RAI1: variants seen among roughly 807,000 people sequenced by gnomAD.
The protein encoded by RAI1 is retinoic acid-induced protein 1.
In RAI1, 9 loss-of-function variants were observed where a neutral mutation model predicts 123.8. The ratio of observed to expected loss-of-function variants is 0.07; its 90% CI spans 0.04 to 0.13. The LOEUF is 0.13. Ranked by LOEUF, RAI1 falls within the 10% of genes least tolerant of loss-of-function variation. The pLI, the probability that RAI1 is intolerant of heterozygous loss-of-function variation, is 1.00. For missense variants in RAI1, 2,256 were observed against 2,545.8 expected, an observed-to-expected ratio of 0.89 and a Z score of 2.45; for synonymous variants, 1,231 against 1,127.3, an observed-to-expected ratio of 1.09 and a Z score of -1.84.
chr17:17,702,772 G>A (rs550351161), intron 1 of RAI1, among the ~76,000 whole-genome samples: 38 of 152,332 alleles, frequency 2.5e-4, no homozygotes, highest in Admixed American at 1.2e-3. Context: ...CAGCCATGAG[G>A]TGGCTTCTCT....
intron 2 of RAI1, among the ~76,000 whole-genome samples, chr17:17,784,796 G>A (rs1460895361): frequency 1.3e-5 from 2 of 152,164 alleles, no homozygotes; most frequent in African/African-American, 4.8e-5. Flanking sequence ...GAGGACAGAG[G>A]ATACTGAACA....
chr17:17,783,893 G>C (rs2142999425), intron 2 of RAI1, among the ~76,000 whole-genome samples: 1 of 152,278 alleles, frequency 6.6e-6, no homozygotes, highest in African/African-American at 2.4e-5. Context: ...AACGAAGTCA[G>C]CTTGCCAACT....
chr17:17,737,786 G>T (rs182777884), intron 2 of RAI1, among the ~76,000 whole-genome samples: 1 of 152,162 alleles, frequency 6.6e-6, no homozygotes, highest in Non-Finnish European at 1.5e-5. Context: ...ATTTCAGGGC[G>T]GGGGGCCCCA....
intron 2 of RAI1, among the ~76,000 whole-genome samples, chr17:17,734,482 A>G (rs1345094989): frequency 1.3e-5 from 2 of 152,170 alleles, no homozygotes; most frequent in African/African-American, 2.4e-5. Flanking sequence ...AGGAGGTTCC[A>G]GTTAATTGTG....
At position 17,793,315 on chromosome 17, in the gene RAI1, GCCCCACAGCCACCAC is replaced by G. The variant is rs2032092718; in HGVS notation, c.378_392del (p.Pro127_Pro131del). ...TGAGGAGAGCCTTCAGGCTTGGGGG[GCCCCACAGCCACCAC>G]CCCCACAGCCGCAGCCACTACCTGC... On this transcript the variant is annotated inframe_deletion, in exon 3 of 6. Coordinates refer to ENST00000353383, the MANE Select transcript of RAI1 (RefSeq NM_030665.4). 8.1e-6 allele frequency: 13 copies of G among 1,612,284 alleles called. No homozygotes were observed. The highest frequency in any genetic ancestry group is 1.1e-5 in the South Asian group (1 of 91,064).
rs1170875285 is a variant in RAI1 at position 17,794,749 on chromosome 17, G to T, written c.1801G>T (p.Ala601Ser). 6.2e-7 allele frequency: 1 copy of T among 1,612,496 alleles called. No individual in the cohort carries two copies. The highest frequency in any genetic ancestry group is 1.3e-5 in the African/African-American group (1 of 74,948). The change falls in exon 3 of 6, where the codon GCC (alanine) becomes TCC (serine). Residue 601 changes from alanine to serine, a missense_variant. Physicochemically the swap from Ala to Ser is moderately conservative, Grantham distance 99. This residue lies in a region of RAI1 where 357 missense variants were observed against 480.2 expected (regional missense o/e 0.74). Coordinates refer to ENST00000353383, the MANE Select transcript of RAI1 (RefSeq NM_030665.4). ...GGACTGTCCGCGGCTGCTGCTCAGCGCCCTGGCACAGGAGGACCTGGCCTC... is the reference window on the plus strand; with the variant it reads ...GGACTGTCCGCGGCTGCTGCTCAGCTCCCTGGCACAGGAGGACCTGGCCTC... ...ERDCPRLLLS[A>S]LAQEDLASEI...
chr17:17,741,226 G>A (rs932440596), intron 2 of RAI1, among the ~76,000 whole-genome samples: 8 of 152,124 alleles, frequency 5.3e-5, no homozygotes, highest in African/African-American at 1.9e-4. Context: ...AACCAGGAAG[G>A]TAGCATCTGA....
intron 1 of RAI1, among the ~76,000 whole-genome samples, chr17:17,722,757 G>A (rs1297531854): frequency 6.6e-6 from 1 of 152,216 alleles, no homozygotes; most frequent in African/African-American, 2.4e-5. Flanking sequence ...TAGGACCGCG[G>A]GGCCGGCAAG....
rs749101536 is a variant in RAI1, at chr17:17,797,754, G to A, written c.4806G>A (p.Glu1602=). The part of the protein sequence containing the change: ...TPAFSPFVRV[E]KRDAFTTICT... ...CCTTCTCACCCTTCGTGCGGGTGGA[G>A]AAGCGAGACGCGTTCACCACCATAT... Residue 1602 remains glutamate, a synonymous_variant, in exon 3 of 6, where the codon GAG becomes GAA. Transcript: ENST00000353383. 9.3e-6 allele frequency: 15 copies of A among 1,613,952 alleles called. No individual in the cohort carries two copies. The African/African-American group carries it at 2.0e-4, about 22-fold the overall frequency.
intron 2 of RAI1, among the ~76,000 whole-genome samples, chr17:17,731,420 G>A (rs1387982558): frequency 6.6e-6 from 1 of 152,222 alleles, no homozygotes; most frequent in African/African-American, 2.4e-5. Context: ...AGGCCTGGGG[G>A]TGTGGGTGGC....
In RAI1 at chr17:17,794,861, A is replaced by G. The variant is rs1385438424; in HGVS notation, c.1913A>G (p.Lys638Arg). 3.1e-6 allele frequency: 5 copies of G among 1,613,052 alleles called. No individual in the cohort carries two copies. Among genetic ancestry groups the G allele is most frequent in the Non-Finnish European group, 4.2e-6 (5 of 1,179,974 alleles). ...EAPSLVKDSS[K>R]PPFSLENHSA... ...CCCAGCCTGGTCAAGGACAGCAGCAAGCCACCCTTCTCGCTGGAGAACCAC... is the reference window on the plus strand; with the variant it reads ...CCCAGCCTGGTCAAGGACAGCAGCAGGCCACCCTTCTCGCTGGAGAACCAC... Residue 638 changes from lysine (K) to arginine (R), a missense_variant, in exon 3 of 6, where the codon AAG becomes AGG. Transcript: ENST00000353383.
chr17:17,681,552 G>A lies in RAI1; in HGVS notation c.-390G>A. 5.4e-6 allele frequency: 1 copy of A among 186,260 alleles called. No individual in the cohort carries two copies. The highest frequency in any genetic ancestry group is 1.4e-4 in the East Asian group (1 of 7,018). 11.5% of individuals were successfully genotyped at this position (186,260 alleles called of 1,614,324 possible). ...GTCCCCGGGCGCCGCCCCCGCCCGC[G>A]GCTGGGCTCCGAGAGACGAGTGGGA... On this transcript the variant is annotated 5_prime_UTR_variant, in exon 1 of 6. Transcript: ENST00000353383.
chr17:17,783,562 C>G (rs1341581874), intron 2 of RAI1, among the ~76,000 whole-genome samples: 1 of 152,168 alleles, frequency 6.6e-6, no homozygotes, highest in East Asian at 1.9e-4. Context: ...CGCAACAACC[C>G]CCACACACCC....
intron 1 of RAI1, chr17:17,683,848 C>G (rs1173768975): frequency 1.3e-5 from 2 of 152,156 alleles, no homozygotes; most frequent in Non-Finnish European, 2.9e-5. Flanking sequence ...CTGTGGGGCT[C>G]TCATAGGCAG....
intron 4 of RAI1, chr17:17,804,077 A>G (rs1177034758): frequency 9.5e-6 from 6 of 630,720 alleles, no homozygotes; most frequent in Non-Finnish European, 1.5e-5. Flanking sequence ...GAGTGCCCAG[A>G]GCAGTGAGGG....
In RAI1 at chr17:17,681,508, G is replaced by C; in HGVS notation, c.-434G>C. 1 of 171,344 alleles carries C rather than the reference G, an allele frequency of 5.8e-6. No homozygotes were observed. Among genetic ancestry groups the C allele is most frequent in the South Asian group, 2.0e-4 (1 of 5,036 alleles). 10.6% of individuals were successfully genotyped at this position (171,344 alleles called of 1,614,324 possible). On this transcript the variant is annotated 5_prime_UTR_variant, in exon 1 of 6. Transcript: ENST00000353383. ...CCAGGCAGGCCCGGCCGGGTGCGCG[G>C]CCAAGGCCCGCTCCCCGCGTCCCCG...
intron 4 of RAI1, among the ~76,000 whole-genome samples, chr17:17,806,937 A>G (rs1352169321): frequency 6.6e-6 from 1 of 152,102 alleles, no homozygotes; most frequent in Non-Finnish European, 1.5e-5. Flanking sequence ...CCATCTACAC[A>G]CACGGCAGTT....
chr17:17,766,666 C>T (rs957649126), intron 2 of RAI1, among the ~76,000 whole-genome samples: 1 of 152,206 alleles, frequency 6.6e-6, no homozygotes, highest in Admixed American at 6.5e-5. Context: ...GGGCGGGGAC[C>T]CCAGCAGGCA....
intron 2 of RAI1, among the ~76,000 whole-genome samples, chr17:17,754,697 A>G (rs1027771260): frequency 3.9e-5 from 6 of 152,156 alleles, no homozygotes; most frequent in African/African-American, 1.4e-4. Flanking sequence ...TGTACCTACT[A>G]GTGTTCAGTT....
Sources: allele counts gnomAD v4.1 joint callset (sites outside exome capture counted in the v4.1 genomes callset), GRCh38; gene constraint gnomAD v4.1.1; regional missense constraint gnomAD v4.1.1; transcripts MANE v1.5; gene names NCBI Gene and HGNC (gene_info 2026-07-23, HGNC 2026-07-21).